The following EYA2 variants were observed in gnomAD, a reference collection of about 807,000 sequenced individuals.
EYA2 encodes EYA transcriptional coactivator and phosphatase 2.
In EYA2, 31 loss-of-function variants were observed where a neutral mutation model predicts 69.2. That is an observed-to-expected ratio of 0.45 (90% CI 0.34 to 0.60). The LOEUF (loss-of-function observed/expected upper bound fraction) is 0.60, where lower values mean the gene tolerates loss of function less well. Among genes scored for constraint, EYA2 ranks in the 20% least tolerant of loss-of-function variants. EYA2 has a pLI of 0.02. For missense variants in EYA2, 622 were observed against 701.2 expected (o/e 0.89, Z 1.28); for synonymous variants, 257 against 279.4 (o/e 0.92, Z 0.80).
chr20:46,959,683 A>G lies in EYA2; in HGVS notation c.-10-30318A>G, dbSNP rs188894748. Among the ~76,000 whole-genome samples, 59 of 152,172 alleles carry G rather than the reference A, an allele frequency of 3.9e-4. No homozygotes were observed. In the East Asian group the frequency reaches 7.0e-3, roughly 18 times the overall value. ...ACACGCACGCACGTACTTTCCTTCA[A>G]TTGCTCCCCATCTGGCTTATGAAAC... is the stretch of plus-strand genomic sequence containing the variant. On this transcript the variant is annotated intron_variant, in intron 1 of 15. Transcript: ENST00000327619.
At chr20:46,943,956 C>A (rs1206744) in intron 1 of EYA2, among the ~76,000 whole-genome samples, 10,665 of 152,236 alleles carry the variant, frequency 0.07, 761 homozygotes, top group African/African-American at 0.18. Flanking sequence ...TAAAAAGATG[C>A]CTTTTCTCTC....
At chr20:47,014,764 A>T (rs895191602) in intron 4 of EYA2, among the ~76,000 whole-genome samples, 2 of 151,510 alleles carry the variant, frequency 1.3e-5, no homozygotes, top group Non-Finnish European at 3.0e-5. Flanking sequence ...ATATGTGTGT[A>T]TATATACACA....
At chr20:46,999,996 G>A (rs144660075) in intron 2 of EYA2, among the ~76,000 whole-genome samples, 7 of 152,298 alleles carry the variant, frequency 4.6e-5, no homozygotes, top group Admixed American at 1.3e-4. Flanking sequence ...GACTGTCATC[G>A]TCAGCTGTAG....
At chr20:46,943,356 TAA>T in intron 1 of EYA2, among the ~76,000 whole-genome samples, 1 of 152,256 alleles carries the variant, frequency 6.6e-6, no homozygotes, top group East Asian at 1.9e-4. Context: ...ATAGTGCCAG[TAA>T]AAGGAAGTGC....
intron 1 of EYA2, among the ~76,000 whole-genome samples, chr20:46,987,392 G>A (rs148998608): frequency 6.6e-6 from 1 of 152,262 alleles, no homozygotes; most frequent in African/African-American, 2.4e-5. Context: ...AACAGCTGTG[G>A]GCTGGATTTG....
chr20:47,085,404 T>G (rs1329480474), intron 7 of EYA2, among the ~76,000 whole-genome samples: 1 of 151,910 alleles, frequency 6.6e-6, no homozygotes, highest in East Asian at 1.9e-4. Context: ...TCCCAGCACT[T>G]TGGGAGGCTG....
At chr20:47,174,939 C>A (rs2034398521) in intron 12 of EYA2, among the ~76,000 whole-genome samples, 1 of 152,200 alleles carries the variant, frequency 6.6e-6, no homozygotes, top group African/African-American at 2.4e-5. Flanking sequence ...TGGTCAGGTC[C>A]CAGCCTTTGT....
At chr20:47,084,962 A>C (rs1221635524) in intron 7 of EYA2, among the ~76,000 whole-genome samples, 1 of 150,790 alleles carries the variant, frequency 6.6e-6, no homozygotes, top group African/African-American at 2.4e-5. Flanking sequence ...CAGCCTCCTG[A>C]GTAGCTGGGA....
At chr20:46,955,419 T>G (rs952285601) in intron 1 of EYA2, among the ~76,000 whole-genome samples, 1 of 152,202 alleles carries the variant, frequency 6.6e-6, no homozygotes, top group African/African-American at 2.4e-5. Flanking sequence ...AAAGGCCACC[T>G]CACCAGAAAC....
At chr20:47,005,153 G>T (rs1982630996) in intron 4 of EYA2, 69 bp downstream of exon 4, 3 of 1,551,612 alleles carry the variant, frequency 1.9e-6, no homozygotes, top group Non-Finnish European at 2.6e-6. Context: ...CTGCACTATT[G>T]TCTCAGCTAA....
At chr20:46,895,681 GT>G (rs1983770394) in intron 1 of EYA2, among the ~76,000 whole-genome samples, 1 of 152,132 alleles carries the variant, frequency 6.6e-6, no homozygotes, top group Non-Finnish European at 1.5e-5. Flanking sequence ...AAATGGAATT[GT>G]TTTTTAGTCA....
chr20:47,174,514 C>T (rs567755033), intron 12 of EYA2, among the ~76,000 whole-genome samples: 14 of 152,272 alleles, frequency 9.2e-5, no homozygotes, highest in Non-Finnish European at 1.8e-4. Flanking sequence ...TTGGGAGCCT[C>T]GGGTTCCCCT....
chr20:46,973,818 C>T (rs1161784054), intron 1 of EYA2, among the ~76,000 whole-genome samples: 4 of 150,266 alleles, frequency 2.7e-5, no homozygotes, highest in Non-Finnish European at 4.4e-5. Flanking sequence ...AAACCCTCAT[C>T]GTATGAAATT....
intron 5 of EYA2, among the ~76,000 whole-genome samples, chr20:47,025,033 C>T (rs6090606): frequency 6.6e-6 from 1 of 152,190 alleles, no homozygotes; most frequent in African/African-American, 2.4e-5. Flanking sequence ...TTTGGGAGAA[C>T]TAATTTTGCA....
At chr20:46,956,224 T>TTGCCCATCAGTGATA (rs1979117946) in intron 1 of EYA2, among the ~76,000 whole-genome samples, 1 of 152,260 alleles carries the variant, frequency 6.6e-6, no homozygotes, top group African/African-American at 2.4e-5. Context: ...ATCTGATTTT[T>TTGCCCATCAGTGATA]TGCCCATCAG....
chr20:46,912,546 C>G (rs867597791), intron 1 of EYA2, among the ~76,000 whole-genome samples: 1 of 151,978 alleles, frequency 6.6e-6, no homozygotes, highest in South Asian at 2.1e-4. Flanking sequence ...CCTCATGGAG[C>G]TTTTGTTTAG....
intron 10 of EYA2, among the ~76,000 whole-genome samples, chr20:47,148,620 A>G (rs1271246617): frequency 1.3e-5 from 2 of 152,164 alleles, no homozygotes; most frequent in South Asian, 2.1e-4. Flanking sequence ...GGGCATAAAT[A>G]TCGACACTCC....
chr20:47,025,157 A>G (rs1019253521), intron 5 of EYA2, among the ~76,000 whole-genome samples: 1 of 152,208 alleles, frequency 6.6e-6, no homozygotes, highest in African/African-American at 2.4e-5. Context: ...AAAGATCTCT[A>G]TTTAATGTAA....
rs371943589 is a variant in EYA2, at chr20:47,183,443, C to T, written c.1536+52C>T. ...TTTTCCTGCTCTTTCGAGCACCCCT[C>T]GTGGTCTTCAAGGGCTCCTTCCATG... On this transcript the variant is annotated intron_variant, in intron 15 of 15. Transcript: ENST00000327619. 110 of 1,548,916 alleles carry T rather than the reference C, an allele frequency of 7.1e-5. 1 individual carries two copies. The highest frequency in any genetic ancestry group is 8.8e-5 in the Non-Finnish European group (99 of 1,128,148).
Sources: allele counts gnomAD v4.1 joint callset (sites outside exome capture counted in the v4.1 genomes callset), GRCh38; gene constraint gnomAD v4.1.1; transcripts MANE v1.5; gene names NCBI Gene and HGNC (gene_info 2026-07-23, HGNC 2026-07-21).